The following ABHD6 variants were observed in gnomAD, a reference collection of about 807,000 sequenced individuals.
ABHD6 encodes the protein monoacylglycerol lipase ABHD6.
In ABHD6, 33 loss-of-function variants were observed where a neutral mutation model predicts 38.8. The observed-to-expected ratio is 0.85, with a 90% confidence interval of 0.64 to 1.14. The LOEUF (loss-of-function observed/expected upper bound fraction) is 1.14. ABHD6 is among the 50% of genes most tolerant of loss of function. The probability of loss-of-function intolerance (pLI) is 0.00; values close to 1 mark genes in which losing one functional copy is unlikely to be tolerated. For synonymous variants in ABHD6, 147 were observed against 161.6 expected, an observed-to-expected ratio of 0.91 and a Z score of 0.69; for missense variants, 380 against 422.6, an observed-to-expected ratio of 0.90 and a Z score of 0.88.
rs2097429575 is a variant in ABHD6, at chr3:58,251,046, G to A, written c.-26+1104G>A. Among the ~76,000 whole-genome samples, 1 of 152,136 alleles carries A rather than the reference G, an allele frequency of 6.6e-6. No individual in the cohort carries two copies. Among genetic ancestry groups the A allele is most frequent in the African/African-American group, 2.4e-5 (1 of 41,416 alleles). On this transcript the variant is annotated intron_variant, in intron 2 of 9. Transcript: ENST00000478253. The surrounding 1 kb of genome is among the most constrained non-coding windows in gnomAD (Gnocchi z 5.4). Reference sequence around the variant, plus strand: ...GCAGAAATCAGTAAGTCGGCTAGGTGCAGAAGCTTGCGCCTGTAATCCCAG... The same window carrying A: ...GCAGAAATCAGTAAGTCGGCTAGGTACAGAAGCTTGCGCCTGTAATCCCAG...
intron 7 of ABHD6, among the ~76,000 whole-genome samples, chr3:58,277,819 A>T (rs1391826125): frequency 6.6e-6 from 1 of 152,184 alleles, no homozygotes; most frequent in Non-Finnish European, 1.5e-5. Context: ...TTTAGCATGA[A>T]GGGGTGTTGA....
chr3:58,250,442 C>T (rs534674912), intron 2 of ABHD6, among the ~76,000 whole-genome samples: 7 of 152,188 alleles, frequency 4.6e-5, no homozygotes, highest in African/African-American at 1.4e-4. Flanking sequence ...GGTCAGAGTT[C>T]ACATTTTATT....
rs1416649955 is a variant in ABHD6, at chr3:58,257,336, G to A, written c.119+631G>A. Among the ~76,000 whole-genome samples the A allele has an allele frequency of 1.3e-5, 2 of 150,858 alleles. No homozygotes were observed. Among genetic ancestry groups the A allele is most frequent in the Admixed American group, 1.3e-4 (2 of 15,112 alleles). ...TCTTGATCATTGGTTGTTTTTGTTT[G>A]TTTGTTGGTTGGTTGGTTTTTTGGG... is the stretch of plus-strand genomic sequence containing the variant. On this transcript the variant is annotated intron_variant, in intron 3 of 9. Transcript: ENST00000478253. This position sits in a 1 kb window ranked among gnomAD's most constrained non-coding sequence, Gnocchi z 4.8.
intron 2 of ABHD6, among the ~76,000 whole-genome samples, 187 bp downstream of exon 2, chr3:58,250,129 C>A (rs1041917289): frequency 6.6e-6 from 1 of 152,084 alleles, no homozygotes. Context: ...TGACGCACAC[C>A]CTAAAAGCCC....
chr3:58,279,434 T>G lies in ABHD6; in HGVS notation c.681+4619T>G, dbSNP rs1351411328. 1.3e-4 allele frequency among the ~76,000 whole-genome samples: 20 copies of G among 149,930 alleles called. No homozygotes were observed. In the East Asian group the frequency reaches 3.9e-3, roughly 29 times the overall value. ...TAGGATTGCAACCCTGCTTTTTTTT[T>G]GCTTTCCGTTTGCTTAGTAGATCTT... On this transcript the variant is annotated intron_variant, in intron 7 of 9. Coordinates refer to ENST00000478253, the MANE Select transcript of ABHD6 (RefSeq NM_001320126.2).
chr3:58,280,634 C>T (rs2097452390), intron 7 of ABHD6, among the ~76,000 whole-genome samples: 1 of 152,218 alleles, frequency 6.6e-6, no homozygotes, highest in African/African-American at 2.4e-5. Flanking sequence ...TGTTCCGTTG[C>T]TGGCGAGGAG....
intron 3 of ABHD6, chr3:58,258,493 C>A (rs72886146): frequency 0.016 from 5,084 of 327,876 alleles, 250 homozygotes; most frequent in African/African-American, 0.1. Context: ...AAGTGACTTT[C>A]TCATGATGTG....
At chr3:58,270,491 A>G (rs1340784671) in intron 5 of ABHD6, among the ~76,000 whole-genome samples, 1 of 138,004 alleles carries the variant, frequency 7.2e-6, no homozygotes, top group Non-Finnish European at 1.5e-5. Flanking sequence ...ATATGGTGAA[A>G]CCTCATCTCT....
At chr3:58,284,938 T>C in intron 7 of ABHD6, 147 bp from the exon 8 acceptor site, 1 of 683,096 alleles carries the variant, frequency 1.5e-6, no homozygotes, top group Non-Finnish European at 2.6e-6. Flanking sequence ...GTGTGCTGCA[T>C]CATGGGAATT....
At chr3:58,278,497 C>CT (rs2097450513) in intron 7 of ABHD6, among the ~76,000 whole-genome samples, 1 of 152,040 alleles carries the variant, frequency 6.6e-6, no homozygotes, top group Admixed American at 6.6e-5. Flanking sequence ...CTCTTTTCTT[C>CT]TTTATTAGTC....
intron 2 of ABHD6, among the ~76,000 whole-genome samples, chr3:58,253,320 C>T (rs1469253444): frequency 6.6e-6 from 1 of 152,182 alleles, no homozygotes; most frequent in Non-Finnish European, 1.5e-5. Context: ...TGGCCCCCAG[C>T]AGTTTTTAAG....
In ABHD6 at chr3:58,266,840, A is replaced by G. The variant is rs1466385674; in HGVS notation, c.120-349A>G. ...GAACAAAGCCAGAGGACCAGTGCAG[A>G]TGGTTCTCAAGAAATAAGTTATCAC... On this transcript the variant is annotated intron_variant, in intron 3 of 9. Transcript: ENST00000478253. The surrounding 1 kb of genome is among the most constrained non-coding windows in gnomAD (Gnocchi z 4.0). Among the ~76,000 whole-genome samples the G allele has an allele frequency of 1.3e-5, 2 of 152,246 alleles. No individual in the cohort carries two copies. The highest frequency in any genetic ancestry group is 1.3e-4 in the Admixed American group (2 of 15,280).
At chr3:58,270,636 T>C (rs970812462) in intron 5 of ABHD6, among the ~76,000 whole-genome samples, 8 of 152,086 alleles carry the variant, frequency 5.3e-5, no homozygotes, top group African/African-American at 1.9e-4. Flanking sequence ...CACTGCAGCC[T>C]GGGTGACAGA....
At chr3:58,239,124 C>T (rs1439538207) in intron 1 of ABHD6, among the ~76,000 whole-genome samples, 1 of 151,968 alleles carries the variant, frequency 6.6e-6, no homozygotes, top group Non-Finnish European at 1.5e-5. Context: ...CCCAACCGCC[C>T]CCCCAACCCG....
chr3:58,250,327 A>G (rs569962675), intron 2 of ABHD6, among the ~76,000 whole-genome samples: 2 of 152,278 alleles, frequency 1.3e-5, no homozygotes, highest in South Asian at 4.2e-4. Context: ...GTCAGCAGGA[A>G]GGAAGACAGA....
rs760288122 is a variant in ABHD6, at chr3:58,256,595, T to C, written c.9T>C (p.Leu3=). MD[L]DVVNMFVIAG... is the part of the protein sequence containing the mutation. ...CAGCCTGAAAGAGCAGGATGGATCT[T>C]GATGTGGTTAACATGTTTGTGATTG... Residue 3 remains leucine, a synonymous_variant, in exon 3 of 10, where the codon CTT becomes CTC. Transcript: ENST00000478253. The surrounding 1 kb of genome is among the most constrained non-coding windows in gnomAD (Gnocchi z 4.3). The C allele has an allele frequency of 6.2e-7, 1 of 1,613,966 alleles. No individual in the cohort carries two copies.
chr3:58,242,546 T>G (rs1453889569), intron 1 of ABHD6, among the ~76,000 whole-genome samples: 1 of 152,212 alleles, frequency 6.6e-6, no homozygotes, highest in Non-Finnish European at 1.5e-5. Flanking sequence ...TGGTTTCTTC[T>G]CAGTCAGCAG....
intron 5 of ABHD6, 42 bp from the exon 6 acceptor site, chr3:58,270,890 T>G: frequency 6.4e-7 from 1 of 1,567,460 alleles, no homozygotes; most frequent in East Asian, 2.2e-5. Flanking sequence ...TGCCATTGTC[T>G]ACAGCTGTAT....
intron 3 of ABHD6, among the ~76,000 whole-genome samples, chr3:58,264,397 A>T (rs879535707): frequency 2.1e-5 from 1 of 47,132 alleles, no homozygotes; most frequent in Non-Finnish European, 3.9e-5. Context: ...GCACACACAC[A>T]CACACACACA....
Sources: allele counts gnomAD v4.1 joint callset (sites outside exome capture counted in the v4.1 genomes callset), GRCh38; gene constraint gnomAD v4.1.1; non-coding constraint Gnocchi (gnomAD v3.1); transcripts MANE v1.5; gene names NCBI Gene and HGNC (gene_info 2026-07-23, HGNC 2026-07-21).